The following SLC4A8 variants were observed in gnomAD, a reference collection of about 807,000 sequenced individuals.
SLC4A8 encodes electroneutral sodium bicarbonate exchanger 1.
In SLC4A8, 40 loss-of-function variants were observed where a neutral mutation model predicts 125.0. The ratio of observed to expected loss-of-function variants is 0.32; its 90% CI spans 0.25 to 0.42. The LOEUF (loss-of-function observed/expected upper bound fraction) is 0.42, where lower values mean the gene tolerates loss of function less well. Among genes scored for constraint, SLC4A8 ranks in the 10% least tolerant of loss-of-function variants. The pLI is 1.00. For missense variants in SLC4A8, 863 were observed against 1,355.1 expected, an observed-to-expected ratio of 0.64 and a Z score of 5.70; for synonymous variants, 456 against 476.0, an observed-to-expected ratio of 0.96 and a Z score of 0.55.
intron 1 of SLC4A8, among the ~76,000 whole-genome samples, chr12:51,412,613 A>G (rs1379444691): frequency 6.6e-6 from 1 of 152,148 alleles, no homozygotes; most frequent in African/African-American, 2.4e-5. Flanking sequence ...TCTGGTAACT[A>G]TCATACTGCT....
chr12:51,393,704 T>G (rs773441929), intron 1 of SLC4A8, among the ~76,000 whole-genome samples: 13 of 152,148 alleles, frequency 8.5e-5, no homozygotes, highest in Non-Finnish European at 1.9e-4. Context: ...AAGGGGTTCA[T>G]CTGCTCACTC....
intron 2 of SLC4A8, among the ~76,000 whole-genome samples, chr12:51,448,647 C>T (rs1949864999): frequency 6.6e-6 from 1 of 152,130 alleles, no homozygotes; most frequent in Non-Finnish European, 1.5e-5. Flanking sequence ...CACCGGAGCT[C>T]AGGGAGCCCA....
intron 11 of SLC4A8, among the ~76,000 whole-genome samples, chr12:51,468,333 C>T (rs551774632): frequency 2.8e-4 from 42 of 152,348 alleles, no homozygotes; most frequent in African/African-American, 9.4e-4. Flanking sequence ...ATCCACTTCT[C>T]ATCCTAATCT....
intron 1 of SLC4A8, among the ~76,000 whole-genome samples, chr12:51,439,197 C>T (rs1301785079): frequency 6.6e-6 from 1 of 152,148 alleles, no homozygotes; most frequent in Non-Finnish European, 1.5e-5. Flanking sequence ...GCTGGCACTA[C>T]AGGCACGCAC....
upstream of SLC4A8, chr12:51,424,746 G>A: frequency 2.1e-6 from 1 of 478,494 alleles, no homozygotes; most frequent in Non-Finnish European, 3.7e-6. Context: ...CGGTAGCCCA[G>A]GGTACCGCCG....
At chr12:51,493,497 A>G (rs1334036743) in intron 19 of SLC4A8, among the ~76,000 whole-genome samples, 1 of 152,092 alleles carries the variant, frequency 6.6e-6, no homozygotes, top group Non-Finnish European at 1.5e-5. Flanking sequence ...TAATCATTTC[A>G]TTTCAGAACC....
rs1404852884 is a variant in SLC4A8 at position 51,450,961 on chromosome 12, G to A, written c.216G>A (p.Arg72=). 2 of 1,599,594 alleles carry A rather than the reference G, an allele frequency of 1.3e-6. No homozygotes were observed. Among genetic ancestry groups the A allele is most frequent in the Non-Finnish European group, 1.7e-6 (2 of 1,171,690 alleles). The part of the protein sequence containing the change: ...RHHRTHGQKH[R]RRGRGKGASQ... ...ACCGCACTCATGGCCAGAAGCACCG[G>A]AGACGAGGGCGGGGCAAAGGAGCCA... Residue 72 remains arginine, a synonymous_variant, in exon 3 of 25, where the codon CGG becomes CGA. Coordinates refer to ENST00000453097, the MANE Select transcript of SLC4A8 (RefSeq NM_001039960.3).
Position 51,448,226 on chromosome 12 carries a change from T to C in SLC4A8, c.131-2650T>C, listed in dbSNP as rs1011377228. Among the ~76,000 whole-genome samples, 60 of 152,120 alleles carry C rather than the reference T, an allele frequency of 3.9e-4. 1 individual carries two copies. The highest frequency in any genetic ancestry group is 2.9e-5 in the Non-Finnish European group (2 of 68,028). ...GGATTTGTTTGCAGGGTTAATTTAA[T>C]GTGAGAGGCAGGAAGGGGCCCCTGC... On this transcript the variant is annotated intron_variant, in intron 2 of 24. Transcript: ENST00000453097.
intron 10 of SLC4A8, 33 bp downstream of exon 10, chr12:51,462,489 G>A (rs1950360822): frequency 6.6e-7 from 1 of 1,519,960 alleles, no homozygotes; most frequent in East Asian, 2.3e-5. Context: ...TGTGGCTATT[G>A]TCACTTACTG....
At chr12:51,468,126 T>C (rs776519346) in intron 11 of SLC4A8, among the ~76,000 whole-genome samples, 4 of 152,234 alleles carry the variant, frequency 2.6e-5, no homozygotes, top group Admixed American at 6.5e-5. Context: ...GCCGAGTGGC[T>C]CTTTTTGTTA....
chr12:51,420,322 A>C (rs1260290620), upstream of SLC4A8: 1 of 152,224 alleles, frequency 6.6e-6, no homozygotes, highest in East Asian at 1.9e-4. Context: ...CTCTTTGGAC[A>C]GTTCACATAG....
In SLC4A8 at chr12:51,460,082, C is replaced by A; in HGVS notation, c.987C>A (p.Gly329=). 13 of 1,613,788 alleles carry A rather than the reference C, an allele frequency of 8.1e-6. No homozygotes were observed. Among genetic ancestry groups the A allele is most frequent in the Non-Finnish European group, 1.1e-5 (13 of 1,179,734 alleles). ...TGTCTCCAGCTGTTCTTCTCTCAGGCCTAACAGAAGTGCCAATCCCAACAA... is the reference window on the plus strand; with the variant it reads ...TGTCTCCAGCTGTTCTTCTCTCAGGACTAACAGAAGTGCCAATCCCAACAA... ...VRLSPAVLLS[G]LTEVPIPTRF... is the part of the protein sequence containing the mutation. The change falls in exon 8 of 25, where the codon GGC becomes GGA. Residue 329 remains glycine, a synonymous_variant. Coordinates refer to ENST00000453097, the MANE Select transcript of SLC4A8 (RefSeq NM_001039960.3).
chr12:51,496,982 T>G lies in SLC4A8; in HGVS notation c.2944-5T>G, dbSNP rs1382521767. On this transcript the variant is annotated splice_region_variant and splice_polypyrimidine_tract_variant and intron_variant, in intron 21 of 24. Transcript: ENST00000453097. The stretch of plus-strand genomic sequence containing the variant: ...AATTCACTTTTTTTTTTAATTTTTC[T>G]TCAGGTTTTGGCCTTGGTCTTTGTC... 6.2e-7 allele frequency: 1 copy of G among 1,611,180 alleles called. No individual in the cohort carries two copies. Among genetic ancestry groups the G allele is most frequent in the African/African-American group, 1.3e-5 (1 of 74,582 alleles).
intron 1 of SLC4A8, among the ~76,000 whole-genome samples, chr12:51,415,828 G>A (rs1948675405): frequency 6.8e-6 from 1 of 146,516 alleles, no homozygotes; most frequent in Non-Finnish European, 1.5e-5. Context: ...TCACCAGTTG[G>A]GTAATGGGCC....
chr12:51,444,719 A>G (rs748039925), intron 2 of SLC4A8, among the ~76,000 whole-genome samples: 16 of 152,238 alleles, frequency 1.1e-4, no homozygotes, highest in Non-Finnish European at 1.5e-4. Context: ...AAACTTTCAT[A>G]GGACTCGAAC....
At chr12:51,478,939 G>GCCTCA (rs57372254) in intron 16 of SLC4A8, among the ~76,000 whole-genome samples, 141,196 of 151,974 alleles carry the variant, frequency 0.93, 65,642 homozygotes, top group Non-Finnish European at 0.95. Context: ...TCTTCCCTGT[G>GCCTCA]CCTCATCTGC....
intron 16 of SLC4A8, among the ~76,000 whole-genome samples, chr12:51,478,585 T>C (rs1592251864): frequency 6.6e-6 from 1 of 152,372 alleles, no homozygotes; most frequent in East Asian, 1.9e-4. Context: ...GATAACATTC[T>C]GTAATTTTCC....
At chr12:51,488,519 A>G (rs565657743) in intron 17 of SLC4A8, among the ~76,000 whole-genome samples, 180 bp from the exon 18 acceptor site, 1 of 150,692 alleles carries the variant, frequency 6.6e-6, no homozygotes, top group South Asian at 2.1e-4. Flanking sequence ...TCTTTGGGAA[A>G]TGGTTTCAGA....
chr12:51,399,488 C>T (rs529735043), intron 1 of SLC4A8, among the ~76,000 whole-genome samples: 46 of 152,030 alleles, frequency 3.0e-4, no homozygotes, highest in Admixed American at 1.3e-3. Context: ...TTACATTGCC[C>T]ATAATGGTTA....
Sources: gnomAD v4.1 joint callset for allele counts (sites outside exome capture counted in the v4.1 genomes callset) on GRCh38, gnomAD v4.1.1 for gene constraint, MANE v1.5 for transcripts, NCBI Gene and HGNC (gene_info 2026-07-23, HGNC 2026-07-21) for gene names.